The following MLLT6 variants were observed in gnomAD, a reference collection of about 807,000 sequenced individuals.
MLLT6 encodes protein AF-17.
MLLT6 carries 22 observed loss-of-function variants against 103.0 expected under a neutral mutation model. The ratio of observed to expected loss-of-function variants is 0.21; its 90% CI spans 0.15 to 0.31. The LOEUF (loss-of-function observed/expected upper bound fraction) is 0.31. Ranked by LOEUF, MLLT6 falls within the 10% of genes least tolerant of loss-of-function variation. The pLI is 1.00. For synonymous variants in MLLT6, 606 were observed against 623.5 expected (o/e 0.97, Z 0.42); for missense variants, 1,199 against 1,441.7 (o/e 0.83, Z 2.73).
At position 38,709,103 on chromosome 17, in the gene MLLT6, G is replaced by C; in HGVS notation, c.355-70G>C. On this transcript the variant is annotated intron_variant, in intron 4 of 19. Transcript: ENST00000621332. The surrounding 1 kb of genome is among the most constrained non-coding windows in gnomAD (Gnocchi z 4.3). ...CTGTAGAGAGCAAATGGAATGGAGGGGGTGGCCTAAGGACCATCAGTAGAA... is the reference window on the plus strand; with the variant it reads ...CTGTAGAGAGCAAATGGAATGGAGGCGGTGGCCTAAGGACCATCAGTAGAA... 2.7e-6 allele frequency: 3 copies of C among 1,098,672 alleles called. No individual in the cohort carries two copies. The highest frequency in any genetic ancestry group is 4.1e-6 in the Non-Finnish European group (3 of 737,774). 68.1% of individuals were successfully genotyped at this position (1,098,672 alleles called of 1,614,324 possible).
At position 38,729,338 on chromosome 17, in the gene MLLT6, G is replaced by T. The variant is rs138983300; in HGVS notation, c.*3740G>T. The T allele has an allele frequency of 7.3e-4, 171 of 233,322 alleles. No individual in the cohort carries two copies. The highest frequency in any genetic ancestry group is 3.5e-3 in the African/African-American group (157 of 45,468). The allele number at this position is 233,322 out of a possible 1,614,324, so 14.5% of individuals were successfully genotyped here. ...CCAAGGAAGGTGGGCAAGTAGCCTTGGCTCTCTCCCACCATGTCCATCAGG... is the reference window on the plus strand; with the variant it reads ...CCAAGGAAGGTGGGCAAGTAGCCTTTGCTCTCTCCCACCATGTCCATCAGG... On this transcript the variant is annotated 3_prime_UTR_variant, in exon 20 of 20. Transcript: ENST00000621332.
chr17:38,720,723 C>G lies in MLLT6; in HGVS notation c.2418C>G (p.Asp806Glu), dbSNP rs62638660. The G allele has an allele frequency of 2.2e-3, 3,515 of 1,613,852 alleles. 53 individuals are homozygous for G. The African/African-American group carries it at 0.04, about 18-fold the overall frequency. ...SPPGKSSLGL[D>E]NSLSTSSEDP... Reference sequence around the variant, plus strand: ...CGGGAAAGAGCAGCCTCGGCCTGGACAACTCGCTGTCCACTTCTTCTGAGG... The same window carrying G: ...CGGGAAAGAGCAGCCTCGGCCTGGAGAACTCGCTGTCCACTTCTTCTGAGG... Residue 806 changes from aspartate (D) to glutamate (E), a missense_variant, in exon 16 of 20, where the codon GAC becomes GAG. Around this residue, in one of 7 missense-constraint regions of MLLT6, gnomAD observed 1,034 missense variants for 1,091.5 expected, o/e 0.95. Coordinates refer to ENST00000621332, the MANE Select transcript of MLLT6 (RefSeq NM_005937.4).
Position 38,720,533 on chromosome 17 carries a change from G to A in MLLT6, c.2317G>A (p.Gly773Ser). 6.2e-7 allele frequency: 1 copy of A among 1,612,198 alleles called. No homozygotes were observed. Reference protein sequence around the residue: ...ALPAALPAANGPVPGPYGLPP... With the variant: ...ALPAALPAANSPVPGPYGLPP... ...GCCTGCTGCCCTGCCTGCCGCCAAC[G>A]GCCCTGTCCCTGGGCCCTATGGCCT... Residue 773 changes from glycine to serine, a missense_variant, in exon 15 of 20, where the codon GGC (glycine) becomes AGC (serine). By Grantham distance (56) the Gly-to-Ser change is moderately conservative. Coordinates refer to ENST00000621332, the MANE Select transcript of MLLT6 (RefSeq NM_005937.4).
chr17:38,721,934 G>T lies in MLLT6; in HGVS notation c.2499G>T (p.Thr833=). 1.3e-6 allele frequency: 2 copies of T among 1,543,316 alleles called. No individual in the cohort carries two copies. The highest frequency in any genetic ancestry group is 2.5e-5 in the East Asian group (1 of 40,046). ...RSSSSLSFHS[T]PPPLPLLQQS... ...GCTCGTCGCTGTCCTTCCACAGCAC[G>T]CCCCCACCGCTGCCCCTCCTCCAGC... The change falls in exon 17 of 20, where the codon ACG becomes ACT. Residue 833 remains threonine, a synonymous_variant. Coordinates refer to ENST00000621332, the MANE Select transcript of MLLT6 (RefSeq NM_005937.4).
At chr17:38,723,418 G>A (rs1168497077) in intron 18 of MLLT6, among the ~76,000 whole-genome samples, 1 of 152,108 alleles carries the variant, frequency 6.6e-6, no homozygotes, top group Non-Finnish European at 1.5e-5. Flanking sequence ...CTTGAACTGG[G>A]GAGGTGGAGG....
chr17:38,726,253 C>T lies in MLLT6; in HGVS notation c.*655C>T, dbSNP rs763163421. 2.1e-5 allele frequency: 5 copies of T among 234,006 alleles called. No individual in the cohort carries two copies. Among genetic ancestry groups the T allele is most frequent in the East Asian group, 1.2e-4 (2 of 16,600 alleles). The allele number at this position is 234,006 out of a possible 1,614,324, so 14.5% of individuals were successfully genotyped here. On this transcript the variant is annotated 3_prime_UTR_variant, in exon 20 of 20. Transcript: ENST00000621332. Reference sequence around the variant, plus strand: ...CGTGATGGGGAGGAGAGGGCAGGTGCGGGGAGGCTCTGGCCTTCCTTGGTG... The same window carrying T: ...CGTGATGGGGAGGAGAGGGCAGGTGTGGGGAGGCTCTGGCCTTCCTTGGTG...
Position 38,720,480 on chromosome 17 carries a change from T to C in MLLT6, c.2264T>C (p.Val755Ala). 6.2e-7 allele frequency: 1 copy of C among 1,612,900 alleles called. No homozygotes were observed. Among genetic ancestry groups the C allele is most frequent in the South Asian group, 1.1e-5 (1 of 91,070 alleles). Residue 755 changes from valine (V) to alanine (A), a missense_variant, in exon 15 of 20, where the codon GTG becomes GCG. Around this residue, in one of 7 missense-constraint regions of MLLT6, gnomAD observed 1,034 missense variants for 1,091.5 expected, o/e 0.95. Coordinates refer to ENST00000621332, the MANE Select transcript of MLLT6 (RefSeq NM_005937.4). ...AAGGAGCGGCTGCAGATTCTCAACG[T>C]GCAGCTCTCTGTGCCCTTCCCTGCC... is the stretch of plus-strand genomic sequence containing the variant. ...AKKERLQILN[V>A]QLSVPFPALP...
chr17:38,721,117 T>C, intron 16 of MLLT6: 1 of 334,194 alleles, frequency 3.0e-6, no homozygotes, highest in Non-Finnish European at 5.6e-6. Context: ...CTTTGAGAAG[T>C]ATTTGTGAAG....
At chr17:38,718,789 G>A (rs1905502530) in intron 12 of MLLT6, 1 of 152,242 alleles carries the variant, frequency 6.6e-6, no homozygotes, top group Non-Finnish European at 1.5e-5. Flanking sequence ...TCCCTGGAGA[G>A]TCAGCCCAGC....
rs1473678522 is a variant in MLLT6, at chr17:38,720,547, G to A, written c.2331G>A (p.Gly777=). ...CTGCCGCCAACGGCCCTGTCCCTGG[G>A]CCCTATGGCCTGCCTCCCCAAGGTG... is the stretch of plus-strand genomic sequence containing the variant. ...ALPAANGPVP[G]PYGLPPQAGS... is the part of the protein sequence containing the mutation. The change falls in exon 15 of 20, where the codon GGG becomes GGA. Residue 777 remains glycine, a synonymous_variant. Transcript: ENST00000621332. The A allele has an allele frequency of 1.2e-6, 2 of 1,612,202 alleles. No individual in the cohort carries two copies. Among genetic ancestry groups the A allele is most frequent in the Admixed American group, 1.7e-5 (1 of 59,826 alleles).
Position 38,729,705 on chromosome 17 carries a change from T to C in MLLT6, c.*4107T>C, listed in dbSNP as rs1906219491. ...GTGCATAACCCGGATCTTGTATCTT[T>C]GTATAACGGATGTTATTTGTACGAA... On this transcript the variant is annotated 3_prime_UTR_variant, in exon 20 of 20. Coordinates refer to ENST00000621332, the MANE Select transcript of MLLT6 (RefSeq NM_005937.4). 1 of 223,790 alleles carries C rather than the reference T, an allele frequency of 4.5e-6. No individual in the cohort carries two copies. Among genetic ancestry groups the C allele is most frequent in the Non-Finnish European group, 8.9e-6 (1 of 112,094 alleles). 13.9% of individuals were successfully genotyped at this position (223,790 alleles called of 1,614,324 possible).
In MLLT6 at chr17:38,709,638, T is replaced by C. The variant is rs1905074501; in HGVS notation, c.552+63T>C. The stretch of plus-strand genomic sequence containing the variant: ...GCTGTGGTAAGATGGTTAGAGGGCA[T>C]GGGCTCTGGGCCAGGCCAGTGCCTG... On this transcript the variant is annotated intron_variant, in intron 6 of 19. Transcript: ENST00000621332. This position sits in a 1 kb window ranked among gnomAD's most constrained non-coding sequence, Gnocchi z 4.3. 1 of 1,323,454 alleles carries C rather than the reference T, an allele frequency of 7.6e-7. No individual in the cohort carries two copies. The allele number at this position is 1,323,454 out of a possible 1,614,324, so 82.0% of individuals were successfully genotyped here. A position where few individuals can be genotyped will look rare whatever the true frequency, so the allele number is the denominator to read the frequency against.
At chr17:38,721,030 G>A in intron 16 of MLLT6, 1 of 532,340 alleles carries the variant, frequency 1.9e-6, no homozygotes, top group East Asian at 3.4e-5. Flanking sequence ...ATGTTAGTGT[G>A]GAGAGAAATT....
At chr17:38,713,251 GGC>G (rs1470170250) in intron 8 of MLLT6, 6 of 510,640 alleles carry the variant, frequency 1.2e-5, no homozygotes, top group African/African-American at 1.9e-5. Context: ...ATGGGGGGCA[GGC>G]CCCTGGACAG....
At position 38,716,905 on chromosome 17, in the gene MLLT6, A is replaced by C. The variant is rs1325904584; in HGVS notation, c.1575A>C (p.Gly525=). The stretch of plus-strand genomic sequence containing the variant: ...GTTCCCTGGTCAGCTCCGGCCTGGG[A>C]GGTCTGTCCTCCCGAACCTTTGGGC... The part of the protein sequence containing the change: ...SGGSLVSSGL[G]GLSSRTFGPS... The change falls in exon 10 of 20, where the codon GGA becomes GGC. Residue 525 remains glycine, a synonymous_variant. Coordinates refer to ENST00000621332, the MANE Select transcript of MLLT6 (RefSeq NM_005937.4). The surrounding 1 kb of genome is among the most constrained non-coding windows in gnomAD (Gnocchi z 5.6). The C allele has an allele frequency of 6.2e-7, 1 of 1,613,798 alleles. No homozygotes were observed. The highest frequency in any genetic ancestry group is 1.7e-5 in the Admixed American group (1 of 59,980).
At chr17:38,719,917 C>A in intron 14 of MLLT6, 22 bp downstream of exon 14, 1 of 1,552,208 alleles carries the variant, frequency 6.4e-7, no homozygotes, top group Non-Finnish European at 8.7e-7. Flanking sequence ...TGGCGCCGGT[C>A]GGGACGCCTG....
intron 2 of MLLT6, 68 bp downstream of exon 2, chr17:38,707,097 TA>T: frequency 7.1e-7 from 1 of 1,411,646 alleles, no homozygotes; most frequent in Non-Finnish European, 9.8e-7. Flanking sequence ...CAGGTTGAGC[TA>T]GGGGACTCTG....
Position 38,705,435 on chromosome 17 carries a change from A to C in MLLT6, c.-198A>C. 8.0e-6 allele frequency: 3 copies of C among 375,832 alleles called. No individual in the cohort carries two copies. The highest frequency in any genetic ancestry group is 4.9e-6 in the Non-Finnish European group (1 of 204,628). 23.3% of individuals were successfully genotyped at this position (375,832 alleles called of 1,614,324 possible). ...CGAGAGCACGGCGGGGGGGGCGGCCAGACAGAGCGAGCGAGGAGGAGGAGG... is the reference window on the plus strand; with the variant it reads ...CGAGAGCACGGCGGGGGGGGCGGCCCGACAGAGCGAGCGAGGAGGAGGAGG... On this transcript the variant is annotated 5_prime_UTR_variant, in exon 1 of 20. Coordinates refer to ENST00000621332, the MANE Select transcript of MLLT6 (RefSeq NM_005937.4).
chr17:38,713,913 A>T (rs1404642017), intron 8 of MLLT6: 2 of 152,292 alleles, frequency 1.3e-5, no homozygotes, highest in Non-Finnish European at 2.9e-5. Context: ...TCCGCCCGGG[A>T]GGGGCAGTGC....
Sources: gnomAD v4.1 joint callset for allele counts (sites outside exome capture counted in the v4.1 genomes callset) on GRCh38, gnomAD v4.1.1 for gene constraint, gnomAD v4.1.1 regional missense constraint, Gnocchi (gnomAD v3.1) non-coding constraint, MANE v1.5 for transcripts, NCBI Gene and HGNC (gene_info 2026-07-23, HGNC 2026-07-21) for gene names.